The following CLVS1 variants were observed in gnomAD, a reference collection of about 807,000 sequenced individuals.
CLVS1 encodes clavesin 1.
A neutral mutation model predicts 33.1 loss-of-function variants in CLVS1; 10 were observed. The ratio of observed to expected loss-of-function variants is 0.30; its 90% CI spans 0.19 to 0.51. The LOEUF (loss-of-function observed/expected upper bound fraction) is 0.51. Ranked by LOEUF, CLVS1 falls within the 20% of genes least tolerant of loss-of-function variation. CLVS1 has a pLI of 0.97. For missense variants in CLVS1, 343 were observed against 433.4 expected, an observed-to-expected ratio of 0.79 and a Z score of 1.85; for synonymous variants, 163 against 166.1, an observed-to-expected ratio of 0.98 and a Z score of 0.14.
intron 2 of CLVS1, among the ~76,000 whole-genome samples, chr8:61,243,491 T>C (rs6980924): frequency 0.14 from 21,942 of 152,168 alleles, 3,328 homozygotes; most frequent in East Asian, 0.68. Flanking sequence ...ATGCAGGTTT[T>C]TCTATTGGGG....
At chr8:61,041,534 T>C in the CLVS1 span, among the ~76,000 whole-genome samples, 1 of 152,192 alleles carries the variant, frequency 6.6e-6, no homozygotes, top group African/African-American at 2.4e-5. Flanking sequence ...CTTGTAGAGA[T>C]CTTTTACCTC....
At chr8:60,999,655 GA>G in the CLVS1 span, among the ~76,000 whole-genome samples, 6 of 152,220 alleles carry the variant, frequency 3.9e-5, no homozygotes, top group Admixed American at 3.9e-4. Context: ...GTATAAAACA[GA>G]AAATAGATAA....
chr8:61,332,998 G>T (rs182604903), intron 2 of CLVS1, among the ~76,000 whole-genome samples: 35 of 152,224 alleles, frequency 2.3e-4, no homozygotes, highest in African/African-American at 8.4e-4. Context: ...CCTTTATTTA[G>T]TTTCGTTCAT....
chr8:61,124,089 C>T (rs1257994819), intron 1 of CLVS1, among the ~76,000 whole-genome samples: 1 of 152,118 alleles, frequency 6.6e-6, no homozygotes, highest in Non-Finnish European at 1.5e-5. Flanking sequence ...GAAAATCAAT[C>T]ATTTTAAAAT....
chr8:61,200,627 G>C (rs531250470), intron 2 of CLVS1, among the ~76,000 whole-genome samples: 8 of 152,252 alleles, frequency 5.3e-5, no homozygotes, highest in African/African-American at 1.9e-4. Context: ...TGAGATTGCT[G>C]GTCCAAAGGA....
chr8:60,995,555 C>G, the CLVS1 span, among the ~76,000 whole-genome samples: 5 of 152,246 alleles, frequency 3.3e-5, no homozygotes, highest in African/African-American at 1.2e-4. Flanking sequence ...CACTTTTGCA[C>G]TGTTGGTGGG....
chr8:61,345,404 T>C (rs1224285627), intron 2 of CLVS1, among the ~76,000 whole-genome samples: 6 of 152,138 alleles, frequency 3.9e-5, no homozygotes, highest in Non-Finnish European at 7.4e-5. Context: ...ATACGACAAG[T>C]GCAATGTAGT....
At chr8:61,010,036 G>C in the CLVS1 span, among the ~76,000 whole-genome samples, 1 of 152,182 alleles carries the variant, frequency 6.6e-6, no homozygotes, top group African/African-American at 2.4e-5. Context: ...GCTGGGGCTG[G>C]GATGGGAATG....
intron 1 of CLVS1, among the ~76,000 whole-genome samples, chr8:61,111,129 G>C (rs977442489): frequency 1.3e-5 from 2 of 152,100 alleles, no homozygotes; most frequent in Admixed American, 1.3e-4. Context: ...TGCAGTAGTG[G>C]AATACAGTAG....
intron 5 of CLVS1, among the ~76,000 whole-genome samples, chr8:61,477,830 C>T (rs989221402): frequency 1.3e-5 from 2 of 152,018 alleles, no homozygotes; most frequent in African/African-American, 4.8e-5. Flanking sequence ...TTATTTCTTG[C>T]CTTCTGCTAG....
At chr8:61,047,438 C>T in the CLVS1 span, among the ~76,000 whole-genome samples, 1 of 152,146 alleles carries the variant, frequency 6.6e-6, no homozygotes, top group African/African-American at 2.4e-5. Flanking sequence ...ACCATTTGAC[C>T]CAGCCATCCC....
At chr8:61,183,716 T>A (rs1362188143) in intron 2 of CLVS1, among the ~76,000 whole-genome samples, 2 of 152,104 alleles carry the variant, frequency 1.3e-5, no homozygotes, top group Non-Finnish European at 2.9e-5. Flanking sequence ...CATTTGCAAC[T>A]CCTATTTCTC....
chr8:61,156,272 C>A, intron 2 of CLVS1, among the ~76,000 whole-genome samples: 1 of 151,098 alleles, frequency 6.6e-6, no homozygotes, highest in Admixed American at 6.6e-5. Flanking sequence ...CTCCCATCAC[C>A]TGGGTCTCCA....
At chr8:61,161,751 C>T (rs116357022) in intron 2 of CLVS1, among the ~76,000 whole-genome samples, 2,521 of 152,206 alleles carry the variant, frequency 0.017, 30 homozygotes, top group African/African-American at 0.024. Flanking sequence ...TCAATAGTAC[C>T]ATATTTATAC....
intron 1 of CLVS1, among the ~76,000 whole-genome samples, chr8:61,062,886 A>T (rs1042535760): frequency 2.0e-5 from 3 of 152,312 alleles, no homozygotes; most frequent in African/African-American, 7.2e-5. Flanking sequence ...GTTACTATGA[A>T]ATTACCCAAT....
chr8:61,161,821 A>T (rs1806757958), intron 2 of CLVS1, among the ~76,000 whole-genome samples: 1 of 152,348 alleles, frequency 6.6e-6, no homozygotes, highest in Non-Finnish European at 1.5e-5. Flanking sequence ...TAAATATGTG[A>T]GGTGATGGCT....
intron 2 of CLVS1, among the ~76,000 whole-genome samples, chr8:61,254,670 T>C (rs1201452943): frequency 6.6e-6 from 1 of 152,142 alleles, no homozygotes; most frequent in Admixed American, 6.5e-5. Flanking sequence ...GATCTCAGAC[T>C]GCTGTGCTAG....
intron 2 of CLVS1, among the ~76,000 whole-genome samples, chr8:61,246,235 T>C (rs547766337): frequency 3.1e-5 from 4 of 130,754 alleles, no homozygotes; most frequent in South Asian, 2.6e-4. Context: ...TGGAGTGTGA[T>C]CTCGGCTCAC....
chr8:61,145,737 C>T (rs963620230), intron 2 of CLVS1, among the ~76,000 whole-genome samples: 24 of 152,332 alleles, frequency 1.6e-4, no homozygotes, highest in Admixed American at 1.0e-3. Flanking sequence ...CAGGCACCCA[C>T]GGCTGCTGGA....
Sources: allele counts gnomAD v4.1 joint callset (sites outside exome capture counted in the v4.1 genomes callset), GRCh38; gene constraint gnomAD v4.1.1; transcripts MANE v1.5; gene names NCBI Gene and HGNC (gene_info 2026-07-23, HGNC 2026-07-21).